TBL3: variants seen among roughly 807,000 people sequenced by gnomAD.
The protein encoded by TBL3 is transducin beta-like protein 3.
A neutral mutation model predicts 102.7 loss-of-function variants in TBL3; 71 were observed. The observed-to-expected ratio is 0.69, with a 90% CI of 0.57 to 0.84. The LOEUF (loss-of-function observed/expected upper bound fraction) is 0.84. TBL3 is among the 40% of genes least tolerant of loss of function. The pLI is 0.00. For missense variants in TBL3, 1,188 were observed against 1,098.5 expected, an observed-to-expected ratio of 1.08 and a Z score of -1.15; for synonymous variants, 578 against 477.7, an observed-to-expected ratio of 1.21 and a Z score of -2.74.
Position 1,976,324 on chromosome 16 carries a change from C to A in TBL3, c.1292+10C>A, listed in dbSNP as rs149415163. 6.2e-7 allele frequency: 1 copy of A among 1,608,838 alleles called. No homozygotes were observed. Among genetic ancestry groups the A allele is most frequent in the Non-Finnish European group, 8.5e-7 (1 of 1,177,452 alleles). On this transcript the variant is annotated intron_variant, in intron 13 of 21. Transcript: ENST00000568546. ...CCGTCTGCTGCTCTAGGTAGTGAGT[C>A]GGGGCTGGGCCCAGGGGTGTCAGGG...
chr16:1,979,794 G>T lies in TBL3; in HGVS notation c.*1109G>T, dbSNP rs750772611. On this transcript the variant is annotated 3_prime_UTR_variant, in exon 22 of 22. Coordinates refer to ENST00000568546, the MANE Select transcript of TBL3 (RefSeq NM_006453.3). The stretch of plus-strand genomic sequence containing the variant: ...GGGGTGGGGTTAGGCGCATACCGCT[G>T]CTCCCTAGGGACGGGCCTCCCTCCC... 6.5e-7 allele frequency: 1 copy of T among 1,547,728 alleles called. No individual in the cohort carries two copies. The highest frequency in any genetic ancestry group is 1.2e-5 in the South Asian group (1 of 84,574).
Position 1,980,504 on chromosome 16 carries a change from G to C in TBL3, c.*1819G>C. On this transcript the variant is annotated 3_prime_UTR_variant, in exon 22 of 22. Transcript: ENST00000568546. ...TTTCCAACAGCTGCAGGCGCGCCAG[G>C]CCGCGGCTCGTGCGCCCCACGCGTC... is the stretch of plus-strand genomic sequence containing the variant. The C allele has an allele frequency of 6.2e-7, 1 of 1,603,088 alleles. No individual in the cohort carries two copies. The highest frequency in any genetic ancestry group is 8.5e-7 in the Non-Finnish European group (1 of 1,179,430).
chr16:1,975,565 G>C lies in TBL3; in HGVS notation c.842G>C (p.Cys281Ser), dbSNP rs1794722864. 1 of 1,598,726 alleles carries C rather than the reference G, an allele frequency of 6.3e-7. No homozygotes were observed. The highest frequency in any genetic ancestry group is 8.5e-7 in the Non-Finnish European group (1 of 1,178,598). ...GTGTGGGAGGCAGCTTCTGGGCAGT[G>C]TGTGTACACGCAGGCCCAGCCGCCG... ...LRVWEAASGQCVYTQAQPPGP... is the reference protein window; with the variant it reads ...LRVWEAASGQSVYTQAQPPGP... Residue 281 changes from cysteine to serine, a missense_variant, in exon 10 of 22, where the codon TGT (cysteine) becomes TCT (serine). Transcript: ENST00000568546.
Position 1,978,834 on chromosome 16 carries a change from TGGTCTC to T in TBL3, c.*152_*157del. On this transcript the variant is annotated 3_prime_UTR_variant, in exon 22 of 22. Coordinates refer to ENST00000568546, the MANE Select transcript of TBL3 (RefSeq NM_006453.3). ...CCAGCCAGAAGGGCACTGGAGCTGA[TGGTCTC>T]GGCCCTGCCACGCCCATCCCGCACC... is the stretch of plus-strand genomic sequence containing the variant. 1.6e-6 allele frequency: 2 copies of T among 1,214,358 alleles called. No homozygotes were observed. Among genetic ancestry groups the T allele is most frequent in the Middle Eastern group, 4.0e-4 (2 of 5,036 alleles). 75.2% of individuals were successfully genotyped at this position (1,214,358 alleles called of 1,614,324 possible). A position where few individuals can be genotyped will look rare whatever the true frequency, so the allele number is the denominator to read the frequency against.
intron 9 of TBL3, 30 bp downstream of exon 9, chr16:1,975,468 T>G: frequency 1.2e-6 from 2 of 1,610,380 alleles, no homozygotes; most frequent in Non-Finnish European, 1.7e-6. Context: ...GGGCAGGCGG[T>G]AGGGGCTGGG....
At chr16:1,973,517 GGGCTGGACC>G (rs1400764526) in intron 1 of TBL3, among the ~76,000 whole-genome samples, 1 of 152,208 alleles carries the variant, frequency 6.6e-6, no homozygotes, top group African/African-American at 2.4e-5. Flanking sequence ...AGACTGTGAT[GGGCTGGACC>G]AGGTGGAGGC....
At chr16:1,973,505 A>G (rs1283294027) in intron 1 of TBL3, among the ~76,000 whole-genome samples, 1 of 152,216 alleles carries the variant, frequency 6.6e-6, no homozygotes, top group Non-Finnish European at 1.5e-5. Context: ...GTGGCTGGCC[A>G]GAGACTGTGA....
At position 1,980,132 on chromosome 16, in the gene TBL3, C is replaced by A. The variant is rs1389072098; in HGVS notation, c.*1447C>A. 1.2e-6 allele frequency: 2 copies of A among 1,606,556 alleles called. No individual in the cohort carries two copies. Among genetic ancestry groups the A allele is most frequent in the Non-Finnish European group, 1.7e-6 (2 of 1,178,556 alleles). ...TCCAGACTGTGGATGGAGAGGCGGC[C>A]CGCAGCGCGAGAAAGAGGCTGCTCC... On this transcript the variant is annotated 3_prime_UTR_variant, in exon 22 of 22. Coordinates refer to ENST00000568546, the MANE Select transcript of TBL3 (RefSeq NM_006453.3).
At position 1,978,138 on chromosome 16, in the gene TBL3, T is replaced by A. The variant is rs371579366; in HGVS notation, c.2063-11T>A. 1.9e-6 allele frequency: 3 copies of A among 1,612,350 alleles called. No individual in the cohort carries two copies. The highest frequency in any genetic ancestry group is 2.5e-6 in the Non-Finnish European group (3 of 1,179,676). On this transcript the variant is annotated splice_polypyrimidine_tract_variant and intron_variant, in intron 19 of 21. Coordinates refer to ENST00000568546, the MANE Select transcript of TBL3 (RefSeq NM_006453.3). ...CTGCTTTCCCCAGCTCAGCCTTCCC[T>A]TCTCCCACAGCCATCCGGAGGGACC...
In TBL3 at chr16:1,978,548, C is replaced by T. The variant is rs780121353; in HGVS notation, c.2294-4C>T. The T allele has an allele frequency of 1.2e-6, 2 of 1,604,850 alleles. No homozygotes were observed. Among genetic ancestry groups the T allele is most frequent in the Admixed American group, 1.7e-5 (1 of 59,696 alleles). ...CCCCCTGACCTCCCTCTGTCCAACCCCAGAGCGGCACTTTCAGCGGCTCAG... is the reference window on the plus strand; with the variant it reads ...CCCCCTGACCTCCCTCTGTCCAACCTCAGAGCGGCACTTTCAGCGGCTCAG... On this transcript the variant is annotated splice_polypyrimidine_tract_variant and splice_region_variant and intron_variant, in intron 21 of 21. Transcript: ENST00000568546.
At position 1,975,790 on chromosome 16, in the gene TBL3, C is replaced by T. The variant is rs1444496106; in HGVS notation, c.988-18C>T. ...CACAGGTCCTGGCTCACATCTCCTG[C>T]TCCCTGCCACCCCGCAGTTCGCTGG... On this transcript the variant is annotated intron_variant, in intron 10 of 21. Transcript: ENST00000568546. 1.3e-5 allele frequency: 21 copies of T among 1,614,020 alleles called. No individual in the cohort carries two copies. The highest frequency in any genetic ancestry group is 1.8e-5 in the Non-Finnish European group (21 of 1,180,042).
Position 1,979,837 on chromosome 16 carries a change from GCCT to G in TBL3, c.*1158_*1160del, listed in dbSNP as rs1356212933. The G allele has an allele frequency of 3.8e-5, 60 of 1,575,664 alleles. No homozygotes were observed. Among genetic ancestry groups the G allele is most frequent in the Non-Finnish European group, 5.2e-5 (60 of 1,162,354 alleles). On this transcript the variant is annotated 3_prime_UTR_variant, in exon 22 of 22. Transcript: ENST00000568546. ...TCCCTCCCGGCCTTGGCCCGGGGCC[GCCT>G]CCTCCAGGTAGGGCGCTGGAAACCA...
Position 1,979,580 on chromosome 16 carries a change from C to T in TBL3, c.*895C>T, listed in dbSNP as rs1459728843. The T allele has an allele frequency of 6.5e-7, 1 of 1,536,942 alleles. No individual in the cohort carries two copies. Among genetic ancestry groups the T allele is most frequent in the African/African-American group, 1.4e-5 (1 of 73,226 alleles). The stretch of plus-strand genomic sequence containing the variant: ...GGTGTTTGGAGTCACCGCGGGGCCA[C>T]AGAGGACGAGGCCCGCCCGCACCCT... On this transcript the variant is annotated 3_prime_UTR_variant, in exon 22 of 22. Coordinates refer to ENST00000568546, the MANE Select transcript of TBL3 (RefSeq NM_006453.3).
In TBL3 at chr16:1,980,402, T is replaced by A. The variant is rs1431519995; in HGVS notation, c.*1717T>A. On this transcript the variant is annotated 3_prime_UTR_variant, in exon 22 of 22. Transcript: ENST00000568546. ...GCAGCGCGGGCTCCAGGTCCAGGGGTTGCGGTGCGAAGAAGCCAGTGATCG... is the reference window on the plus strand; with the variant it reads ...GCAGCGCGGGCTCCAGGTCCAGGGGATGCGGTGCGAAGAAGCCAGTGATCG... 6.2e-7 allele frequency: 1 copy of A among 1,602,512 alleles called. No homozygotes were observed. Among genetic ancestry groups the A allele is most frequent in the South Asian group, 1.1e-5 (1 of 91,024 alleles).
rs1273625135 is a variant in TBL3, at chr16:1,979,765, G to T, written c.*1080G>T. 10 of 1,472,094 alleles carry T rather than the reference G, an allele frequency of 6.8e-6. No homozygotes were observed. Among genetic ancestry groups the T allele is most frequent in the Non-Finnish European group, 8.2e-6 (9 of 1,095,816 alleles). The allele number at this position is 1,472,094 out of a possible 1,614,324, so 91.2% of individuals were successfully genotyped here. A position where few individuals can be genotyped will look rare whatever the true frequency, so the allele number is the denominator to read the frequency against. On this transcript the variant is annotated 3_prime_UTR_variant, in exon 22 of 22. Transcript: ENST00000568546. ...CACACGGTCAAGCCGCAGTGGTGGC[G>T]TGAGGGGTGGGGTTAGGCGCATACC...
Position 1,976,833 on chromosome 16 carries a change from G to A in TBL3, c.1312G>A (p.Val438Met). The change falls in exon 14 of 22, where the codon GTG (valine) becomes ATG (methionine). Residue 438 changes from valine (V) to methionine (M), a missense_variant. By Grantham distance (21) the Val-to-Met change is conservative. Transcript: ENST00000568546. Reference sequence around the variant, plus strand: ...TCACAGGCTGAAGGAGTCCTTCCTGGTGACAGGCAGCCAGGACTGCACTGT... The same window carrying A: ...TCACAGGCTGAAGGAGTCCTTCCTGATGACAGGCAGCCAGGACTGCACTGT... The part of the protein sequence containing the change: ...CCSRLKESFL[V>M]TGSQDCTVKL... The A allele has an allele frequency of 1.2e-6, 2 of 1,613,654 alleles. No individual in the cohort carries two copies. Among genetic ancestry groups the A allele is most frequent in the Admixed American group, 1.7e-5 (1 of 60,018 alleles).
Position 1,976,093 on chromosome 16 carries a change from G to A in TBL3, c.1167G>A (p.Trp389Ter). 1.2e-6 allele frequency: 2 copies of A among 1,614,184 alleles called. No individual in the cohort carries two copies. Among genetic ancestry groups the A allele is most frequent in the South Asian group, 1.1e-5 (1 of 91,090 alleles). The change falls in exon 12 of 22, where the codon TGG becomes TGA. Residue 389 changes from tryptophan to a stop codon, truncating the protein, a stop_gained. Coordinates refer to ENST00000568546, the MANE Select transcript of TBL3 (RefSeq NM_006453.3). LOFTEE classifies it high-confidence loss of function. ...CCCTGGATGTGTTCCGGAAGGGGTGGCTCTTTGCCAGCTGTGCCAAGGTGA... is the reference window on the plus strand; with the variant it reads ...CCCTGGATGTGTTCCGGAAGGGGTGACTCTTTGCCAGCTGTGCCAAGGTGA... ...VLALDVFRKG[W>*]LFASCAKDQS...
rs754657758 is a variant in TBL3, at chr16:1,981,216, C to G, written c.*2531C>G. ...CCAGGCTGCAGATTCCTGAAATGGG[C>G]GAGGACCCTTCTGCCTCCCCGTGCT... On this transcript the variant is annotated 3_prime_UTR_variant, in exon 22 of 22. Coordinates refer to ENST00000568546, the MANE Select transcript of TBL3 (RefSeq NM_006453.3). 2 of 1,612,410 alleles carry G rather than the reference C, an allele frequency of 1.2e-6. No homozygotes were observed. The highest frequency in any genetic ancestry group is 8.5e-7 in the Non-Finnish European group (1 of 1,179,710).
Position 1,976,852 on chromosome 16 carries a change from G to A in TBL3, c.1331G>A (p.Cys444Tyr). The change falls in exon 14 of 22, where the codon TGC (cysteine) becomes TAC (tyrosine). Residue 444 changes from cysteine to tyrosine, a missense_variant. Transcript: ENST00000568546. The stretch of plus-strand genomic sequence containing the variant: ...TTCCTGGTGACAGGCAGCCAGGACT[G>A]CACTGTGAAGCTGTGGCCTCTTCCC... Reference protein sequence around the residue: ...ESFLVTGSQDCTVKLWPLPKA... With the variant: ...ESFLVTGSQDYTVKLWPLPKA... 1 of 1,613,850 alleles carries A rather than the reference G, an allele frequency of 6.2e-7. No individual in the cohort carries two copies. Among genetic ancestry groups the A allele is most frequent in the African/African-American group, 1.3e-5 (1 of 75,032 alleles).
Sources: gnomAD v4.1 joint callset for allele counts (sites outside exome capture counted in the v4.1 genomes callset) on GRCh38, gnomAD v4.1.1 for gene constraint, MANE v1.5 for transcripts, NCBI Gene and HGNC (gene_info 2026-07-23, HGNC 2026-07-21) for gene names.